DIS3: variants seen among roughly 807,000 people sequenced by gnomAD.
DIS3 encodes DIS3 exosome endoribonuclease and 3'-5' exoribonuclease.
In DIS3, 103 loss-of-function variants were observed where a neutral mutation model predicts 113.0. That is an observed-to-expected ratio of 0.91 (90% confidence interval 0.78 to 1.07). DIS3 has a LOEUF of 1.07. DIS3 is among the 50% of genes least tolerant of loss of function. The probability of loss-of-function intolerance (pLI) is 0.00; values close to 1 mark genes in which losing one functional copy is unlikely to be tolerated. For synonymous variants in DIS3, 402 were observed against 394.3 expected (o/e 1.02, Z -0.23); for missense variants, 1,121 against 1,167.1 (o/e 0.96, Z 0.58).
Position 72,755,541 on chromosome 13 carries a change from G to C in DIS3, c.*4254C>G, listed in dbSNP as rs1350268943. 1 of 345,912 alleles carries C rather than the reference G, an allele frequency of 2.9e-6. No homozygotes were observed. Among genetic ancestry groups the C allele is most frequent in the African/African-American group, 2.1e-5 (1 of 47,702 alleles). 21.4% of individuals were successfully genotyped at this position (345,912 alleles called of 1,614,324 possible). A position where few individuals can be genotyped will look rare whatever the true frequency, so the allele number is the denominator to read the frequency against. On this transcript the variant is annotated 3_prime_UTR_variant, in exon 21 of 21. Transcript: ENST00000377767. Reference sequence around the variant, plus strand: ...AACTACTTATTAAGCCTTACTGGTAGCACTGAATTTAGCAGTTCTGAGAAC... The same window carrying C: ...AACTACTTATTAAGCCTTACTGGTACCACTGAATTTAGCAGTTCTGAGAAC...
Position 72,774,067 on chromosome 13 carries a change from A to G in DIS3, c.988-8T>C. The G allele has an allele frequency of 6.4e-7, 1 of 1,562,536 alleles. No homozygotes were observed. The highest frequency in any genetic ancestry group is 8.7e-7 in the Non-Finnish European group (1 of 1,155,212). ...GCTTACAGCAGTCTTAAGCTGAGAT[A>G]TAAAAATTAAAATGTTCAGTTATAT... On this transcript the variant is annotated splice_region_variant and splice_polypyrimidine_tract_variant and intron_variant, in intron 6 of 20. Transcript: ENST00000377767.
Position 72,768,766 on chromosome 13 carries a change from T to C in DIS3, c.1883+19A>G, listed in dbSNP as rs750261912. The C allele has an allele frequency of 1.9e-6, 3 of 1,562,138 alleles. No homozygotes were observed. The South Asian group carries it at 3.5e-5, about 18-fold the overall frequency. ...AAGAGTATAAAAATTATCTTAATAC[T>C]ATGAAAAACAAAATATACCCTTTTT... is the stretch of plus-strand genomic sequence containing the variant. On this transcript the variant is annotated intron_variant, in intron 14 of 20. Transcript: ENST00000377767.
intron 19 of DIS3, among the ~76,000 whole-genome samples, 198 bp downstream of exon 19, chr13:72,761,165 C>T (rs1593834330): frequency 6.6e-6 from 1 of 152,012 alleles, no homozygotes; most frequent in Admixed American, 6.6e-5. Context: ...TATGAGAAGA[C>T]ATATAGTGGT....
At chr13:72,780,706 T>C in intron 2 of DIS3, 140 bp downstream of exon 2, 2 of 862,812 alleles carry the variant, frequency 2.3e-6, no homozygotes, top group Non-Finnish European at 3.5e-6. Context: ...CATTATCTTC[T>C]GCACAGCCAT....
At position 72,755,267 on chromosome 13, in the gene DIS3, C is replaced by T. The variant is rs376655787; in HGVS notation, c.*4528G>A. On this transcript the variant is annotated 3_prime_UTR_variant, in exon 21 of 21. Transcript: ENST00000377767. Reference sequence around the variant, plus strand: ...AAGCTTAAGAGTTCCTCGCATATATCGTTGTGCACAGGATCAACATGATGG... The same window carrying T: ...AAGCTTAAGAGTTCCTCGCATATATTGTTGTGCACAGGATCAACATGATGG... 622 of 1,457,618 alleles carry T rather than the reference C, an allele frequency of 4.3e-4. No homozygotes were observed. Among genetic ancestry groups the T allele is most frequent in the Non-Finnish European group, 5.5e-4 (568 of 1,042,086 alleles). 90.3% of individuals were successfully genotyped at this position (1,457,618 alleles called of 1,614,324 possible). A position where few individuals can be genotyped will look rare whatever the true frequency, so the allele number is the denominator to read the frequency against.
rs780392514 is a variant in DIS3, at chr13:72,775,307, G to C, written c.891C>G (p.Leu297=). The part of the protein sequence containing the change: ...VHEDIVAVEL[L]PKSQWVAPSS... ...ATGGTGCTACCCACTGACTCTTGGG[G>C]AGAAGCTCCACAGCCACAATATCTT... The change falls in exon 6 of 21, where the codon CTC becomes CTG. Residue 297 remains leucine (L), a synonymous_variant. Coordinates refer to ENST00000377767, the MANE Select transcript of DIS3 (RefSeq NM_014953.5). 4.3e-6 allele frequency: 7 copies of C among 1,613,736 alleles called. No individual in the cohort carries two copies. In the Admixed American group the frequency reaches 1.2e-4, roughly 27 times the overall value.
rs74094544 is a variant in DIS3 at position 72,779,599 on chromosome 13, G to A, written c.387-1219C>T. ...TCTTTACAAGAACATTGAAGTTTGAGATATAAGAATCAAGAAAGTTGAGAT... is the reference window on the plus strand; with the variant it reads ...TCTTTACAAGAACATTGAAGTTTGAAATATAAGAATCAAGAAAGTTGAGAT... On this transcript the variant is annotated intron_variant, in intron 2 of 20. Coordinates refer to ENST00000377767, the MANE Select transcript of DIS3 (RefSeq NM_014953.5). 3.5e-3 allele frequency among the ~76,000 whole-genome samples: 529 copies of A among 152,212 alleles called. 2 individuals are homozygous for A. Among genetic ancestry groups the A allele is most frequent in the African/African-American group, 0.012 (494 of 41,536 alleles).
In DIS3 at chr13:72,772,765, A is replaced by G. The variant is rs2033918088; in HGVS notation, c.1314T>C (p.Asp438=). Residue 438 remains aspartate, a synonymous_variant, in exon 9 of 21, where the codon GAT becomes GAC. Transcript: ENST00000377767. ...TETEVLLLEH[D]VPHQPFSQAV... ...CCTGTGAAAAAGGCTGATGGGGAAC[A>G]TCGTGTTCAAGTAACAAAACTTCTG... 1.9e-6 allele frequency: 3 copies of G among 1,613,618 alleles called. No homozygotes were observed. The highest frequency in any genetic ancestry group is 3.3e-4 in the Middle Eastern group (2 of 6,060).
chr13:72,778,231 C>A lies in DIS3; in HGVS notation c.536G>T (p.Arg179Ile). 1 of 1,603,886 alleles carries A rather than the reference C, an allele frequency of 6.2e-7. No individual in the cohort carries two copies. Among genetic ancestry groups the A allele is most frequent in the Non-Finnish European group, 8.5e-7 (1 of 1,171,982 alleles). ...LQVIFITNDRRNKEKAIEEGI... is the reference protein window; with the variant it reads ...LQVIFITNDRINKEKAIEEGI... The stretch of plus-strand genomic sequence containing the variant: ...TTCTTCTATGGCTTTCTCTTTGTTT[C>A]TCCTGTCATTTGTTATGAAGATAAC... The change falls in exon 3 of 21, where the codon AGA becomes ATA. Residue 179 changes from arginine (R) to isoleucine (I), a missense_variant. Physicochemically the swap from Arg to Ile is moderately conservative, Grantham distance 97. Transcript: ENST00000377767.
At chr13:72,760,191 T>C (rs566344410) in intron 20 of DIS3, among the ~76,000 whole-genome samples, 1 of 152,092 alleles carries the variant, frequency 6.6e-6, no homozygotes, top group Non-Finnish European at 1.5e-5. Context: ...TTCAAGTGTG[T>C]TGGGGAAGGA....
In DIS3 at chr13:72,757,254, CTCT is replaced by C. The variant is rs1213413897; in HGVS notation, c.*2538_*2540del. ...CTATGGCCTGTAGGCAGTTTTTCTT[CTCT>C]TTTTTTTTTTTTGAGACAGTCTTGT... On this transcript the variant is annotated 3_prime_UTR_variant, in exon 21 of 21. Coordinates refer to ENST00000377767, the MANE Select transcript of DIS3 (RefSeq NM_014953.5). The C allele has an allele frequency of 9.9e-5, 14 of 141,050 alleles. No homozygotes were observed. Among genetic ancestry groups the C allele is most frequent in the South Asian group, 2.2e-4 (1 of 4,446 alleles). The allele number at this position is 141,050 out of a possible 1,614,324, so 8.7% of individuals were successfully genotyped here.
chr13:72,770,835 T>A, intron 13 of DIS3, 69 bp downstream of exon 13: 1 of 1,110,808 alleles, frequency 9.0e-7, no homozygotes, highest in Non-Finnish European at 1.3e-6. Context: ...CTTTAAAAAA[T>A]TTATTTAGCT....
Position 72,753,542 on chromosome 13 carries a change from C to A in DIS3, c.*6253G>T. On this transcript the variant is annotated 3_prime_UTR_variant, in exon 21 of 21. Transcript: ENST00000377767. Reference sequence around the variant, plus strand: ...TGCAGGACTACCTTTTATATTTGTGCATTACTTTTGAATTTTGTTCAACAT... The same window carrying A: ...TGCAGGACTACCTTTTATATTTGTGAATTACTTTTGAATTTTGTTCAACAT... 1.3e-6 allele frequency: 1 copy of A among 743,426 alleles called. No homozygotes were observed. Among genetic ancestry groups the A allele is most frequent in the Non-Finnish European group, 2.1e-6 (1 of 467,520 alleles). The allele number at this position is 743,426 out of a possible 1,614,324, so 46.1% of individuals were successfully genotyped here.
chr13:72,770,145 A>T (rs1218360128), intron 13 of DIS3, among the ~76,000 whole-genome samples: 1 of 152,202 alleles, frequency 6.6e-6, no homozygotes, highest in Non-Finnish European at 1.5e-5. Context: ...AGCTTCAATT[A>T]CTAGGGTTCT....
intron 15 of DIS3, among the ~76,000 whole-genome samples, chr13:72,763,846 G>A (rs1379787686): frequency 6.6e-6 from 1 of 152,026 alleles, no homozygotes; most frequent in Non-Finnish European, 1.5e-5. Context: ...CATGCTAGAG[G>A]AAACTTTACA....
chr13:72,763,723 A>T (rs2033684906), intron 15 of DIS3, 116 bp from the exon 16 acceptor site: 2 of 985,658 alleles, frequency 2.0e-6, no homozygotes, highest in East Asian at 5.3e-5. Context: ...TTTCCTATGT[A>T]AACATTCATA....
Position 72,761,463 on chromosome 13 carries a change from T to C in DIS3, c.2570A>G (p.Lys857Arg). Residue 857 changes from lysine (K) to arginine (R), a missense_variant, in exon 19 of 21, where the codon AAG becomes AGG. Physicochemically the swap from Lys to Arg is conservative, Grantham distance 26. Coordinates refer to ENST00000377767, the MANE Select transcript of DIS3 (RefSeq NM_014953.5). ...TGGAATTAATACCACAATGGCATTC[T>C]TTCTTACAAATAAAATATAGGCTTC... is the stretch of plus-strand genomic sequence containing the variant. Reference protein sequence around the residue: ...SEEAYILFVRKNAIVVLIPKY... With the variant: ...SEEAYILFVRRNAIVVLIPKY... The C allele has an allele frequency of 1.2e-6, 2 of 1,610,278 alleles. No individual in the cohort carries two copies. Among genetic ancestry groups the C allele is most frequent in the Non-Finnish European group, 1.7e-6 (2 of 1,178,694 alleles).
intron 6 of DIS3, 21 bp from the exon 7 acceptor site, chr13:72,774,080 T>A (rs1312383197): frequency 3.9e-6 from 6 of 1,519,264 alleles, no homozygotes; most frequent in Non-Finnish European, 4.5e-6. Flanking sequence ...AAAATTAAAA[T>A]GTTCAGTTAT....
chr13:72,772,860 T>G, intron 8 of DIS3, 21 bp from the exon 9 acceptor site: 1 of 1,569,490 alleles, frequency 6.4e-7, no homozygotes, highest in Non-Finnish European at 8.6e-7. Context: ...GAGGCATTAT[T>G]AGAAACGCCT....
Sources: gnomAD v4.1 joint callset for allele counts (sites outside exome capture counted in the v4.1 genomes callset) on GRCh38, gnomAD v4.1.1 for gene constraint, MANE v1.5 for transcripts, NCBI Gene and HGNC (gene_info 2026-07-23, HGNC 2026-07-21) for gene names.